KCNAB1: variants seen among roughly 807,000 people sequenced by gnomAD.
The protein encoded by KCNAB1 is voltage-gated potassium channel subunit beta-1.
In KCNAB1, 35 loss-of-function variants were observed where a neutral mutation model predicts 64.6. That is an observed-to-expected ratio of 0.54 (90% CI 0.41 to 0.72). The LOEUF is 0.72. Ranked by LOEUF, KCNAB1 falls within the 30% of genes least tolerant of loss-of-function variation. The pLI, the probability that KCNAB1 is intolerant of heterozygous loss-of-function variation, is 0.00. For synonymous variants in KCNAB1, 177 were observed against 183.8 expected (o/e 0.96, Z 0.30); for missense variants, 401 against 512.9 (o/e 0.78, Z 2.11).
At chr3:156,215,977 C>A (rs1193645879) in intron 1 of KCNAB1, among the ~76,000 whole-genome samples, 1 of 152,144 alleles carries the variant, frequency 6.6e-6, no homozygotes, top group African/African-American at 2.4e-5. Flanking sequence ...TTTCAAAATA[C>A]AAAAATCACA....
At chr3:156,139,495 C>T (rs1560103853) in intron 1 of KCNAB1, among the ~76,000 whole-genome samples, 1 of 151,298 alleles carries the variant, frequency 6.6e-6, no homozygotes, top group East Asian at 1.9e-4. Flanking sequence ...GGCTCACATA[C>T]TCAGATTTAA....
chr3:156,403,278 C>T lies in KCNAB1; in HGVS notation c.276-18338C>T, dbSNP rs552077437. ...TGCCATGTTGCCCTTCTGGTCAAGC[C>T]ATGCTAATGGGGAGCTTCCATCCAG... On this transcript the variant is annotated intron_variant, in intron 1 of 13. Coordinates refer to ENST00000490337, the MANE Select transcript of KCNAB1 (RefSeq NM_172160.3). Among the ~76,000 whole-genome samples the T allele has an allele frequency of 2.6e-5, 4 of 152,272 alleles. No homozygotes were observed. The South Asian group carries it at 8.3e-4, about 32-fold the overall frequency.
chr3:156,238,197 C>G (rs1236392834), intron 1 of KCNAB1, among the ~76,000 whole-genome samples: 2 of 151,990 alleles, frequency 1.3e-5, no homozygotes, highest in African/African-American at 4.8e-5. Context: ...GCCGAGGCGG[C>G]GGATCACGAG....
chr3:156,191,797 G>A (rs1713583096), intron 1 of KCNAB1, among the ~76,000 whole-genome samples: 1 of 152,036 alleles, frequency 6.6e-6, no homozygotes, highest in African/African-American at 2.4e-5. Flanking sequence ...TTCATTCCCT[G>A]CCTCATTTAA....
rs1721048424 is a variant in KCNAB1, at chr3:156,300,043, A to G, written c.276-121573A>G. Among the ~76,000 whole-genome samples, 4 of 152,188 alleles carry G rather than the reference A, an allele frequency of 2.6e-5. No individual in the cohort carries two copies. In the South Asian group the frequency reaches 6.2e-4, roughly 24 times the overall value. On this transcript the variant is annotated intron_variant, in intron 1 of 13. Transcript: ENST00000490337. ...AAATGAATATAAAAGATTAAAAAACAAGAAACCAAGGGCACAGCAACAAGA... is the reference window on the plus strand; with the variant it reads ...AAATGAATATAAAAGATTAAAAAACGAGAAACCAAGGGCACAGCAACAAGA...
intron 1 of KCNAB1, among the ~76,000 whole-genome samples, chr3:156,334,606 T>C (rs188162348): frequency 8.5e-4 from 130 of 152,320 alleles, no homozygotes; most frequent in African/African-American, 2.9e-3. Flanking sequence ...GTGTATGATA[T>C]TTCCTGGCAC....
intron 1 of KCNAB1, among the ~76,000 whole-genome samples, chr3:156,272,145 G>A (rs1486836159): frequency 6.6e-6 from 1 of 152,228 alleles, no homozygotes; most frequent in Non-Finnish European, 1.5e-5. Context: ...ATTGTACTCG[G>A]TCTGACTTGG....
chr3:156,286,007 T>G (rs1720081289), intron 1 of KCNAB1, among the ~76,000 whole-genome samples: 1 of 152,220 alleles, frequency 6.6e-6, no homozygotes, highest in Non-Finnish European at 1.5e-5. Flanking sequence ...GTCCTGGACA[T>G]GTGGCTGGTA....
intron 1 of KCNAB1, among the ~76,000 whole-genome samples, chr3:156,255,961 C>T (rs1324460534): frequency 6.6e-6 from 1 of 152,136 alleles, no homozygotes; most frequent in East Asian, 1.9e-4. Flanking sequence ...TCTTCTGTTC[C>T]TAGCACCTGG....
At chr3:156,404,590 T>G (rs1443135736) in intron 1 of KCNAB1, among the ~76,000 whole-genome samples, 3 of 152,100 alleles carry the variant, frequency 2.0e-5, no homozygotes, top group Non-Finnish European at 4.4e-5. Context: ...TTTTGTCAGA[T>G]AAATAGGTTA....
chr3:156,349,214 T>TA (rs749527923), intron 1 of KCNAB1, among the ~76,000 whole-genome samples: 23 of 152,174 alleles, frequency 1.5e-4, no homozygotes, highest in Non-Finnish European at 3.1e-4. Flanking sequence ...TGAGGTTATT[T>TA]AGGGGCAAGT....
At chr3:156,177,116 G>A (rs1207079781) in intron 1 of KCNAB1, among the ~76,000 whole-genome samples, 3 of 152,236 alleles carry the variant, frequency 2.0e-5, no homozygotes, top group Admixed American at 2.0e-4. Context: ...ATGTGATAAT[G>A]ACTTCTGTTG....
intron 1 of KCNAB1, among the ~76,000 whole-genome samples, chr3:156,311,799 G>A (rs892802178): frequency 2.6e-5 from 4 of 152,200 alleles, no homozygotes; most frequent in African/African-American, 7.2e-5. Flanking sequence ...ATCAATACGA[G>A]TGTGACTTGT....
At chr3:156,337,004 G>A (rs1019978998) in intron 1 of KCNAB1, among the ~76,000 whole-genome samples, 9 of 152,228 alleles carry the variant, frequency 5.9e-5, no homozygotes, top group African/African-American at 2.2e-4. Flanking sequence ...TGGTCGGCAA[G>A]TAAAAATCAG....
At chr3:156,291,089 T>A (rs1449503846) in intron 1 of KCNAB1, 3 of 985,404 alleles carry the variant, frequency 3.0e-6, no homozygotes, top group Non-Finnish European at 3.6e-6. Context: ...GCAGAGCCCC[T>A]TTTTATGGAG....
intron 8 of KCNAB1, among the ~76,000 whole-genome samples, chr3:156,500,159 C>G (rs185961802): frequency 9.2e-5 from 14 of 152,290 alleles, no homozygotes; most frequent in Admixed American, 3.9e-4. Context: ...TCTCAGAAGT[C>G]TTTCTTGGAA....
At chr3:156,494,799 G>A (rs998725194) in intron 8 of KCNAB1, among the ~76,000 whole-genome samples, 1 of 152,150 alleles carries the variant, frequency 6.6e-6, no homozygotes, top group Admixed American at 6.5e-5. Flanking sequence ...AATGTAACCT[G>A]TTATGTTCTG....
intron 1 of KCNAB1, among the ~76,000 whole-genome samples, chr3:156,165,039 G>A (rs1716290295): frequency 1.3e-5 from 2 of 152,030 alleles, no homozygotes; most frequent in South Asian, 2.1e-4. Flanking sequence ...AGCACTTTGG[G>A]AGGCCGAGGC....
At chr3:156,270,841 A>T (rs1394189068) in intron 1 of KCNAB1, among the ~76,000 whole-genome samples, 2 of 152,264 alleles carry the variant, frequency 1.3e-5, no homozygotes, top group Non-Finnish European at 1.5e-5. Flanking sequence ...CAAAAAAAAA[A>T]TTCCTTTTAG....
Sources: allele counts gnomAD v4.1 joint callset (sites outside exome capture counted in the v4.1 genomes callset), GRCh38; gene constraint gnomAD v4.1.1; transcripts MANE v1.5; gene names NCBI Gene and HGNC (gene_info 2026-07-23, HGNC 2026-07-21).